Variants in CREB5 observed in about 807,000 individuals in gnomAD.
The protein encoded by CREB5 is cAMP responsive element binding protein 5.
In CREB5, 19 loss-of-function variants were observed where a neutral mutation model predicts 57.1. The observed-to-expected ratio is 0.33, with a 90% CI of 0.23 to 0.49. The LOEUF is 0.49. CREB5 is among the 20% of genes least tolerant of loss of function. The pLI, the probability that CREB5 is intolerant of heterozygous loss-of-function variation, is 0.99. For synonymous variants in CREB5, 238 were observed against 238.3 expected (o/e 1.00, Z 0.01); for missense variants, 579 against 671.6 (o/e 0.86, Z 1.52).
chr7:28,756,839 TGA>T (rs147283937), intron 7 of CREB5, among the ~76,000 whole-genome samples: 2 of 151,234 alleles, frequency 1.3e-5, no homozygotes, highest in Non-Finnish European at 1.5e-5. Context: ...CAGCAGGTTT[TGA>T]GAGAGAGAGA....
intron 5 of CREB5, among the ~76,000 whole-genome samples, chr7:28,613,082 T>A (rs1262826169): frequency 6.6e-6 from 1 of 152,212 alleles, no homozygotes; most frequent in Non-Finnish European, 1.5e-5. Context: ...TAAACGTGTG[T>A]GTGCCTGCTT....
chr7:28,445,665 C>T (rs1041314567), intron 1 of CREB5, among the ~76,000 whole-genome samples: 4 of 152,104 alleles, frequency 2.6e-5, no homozygotes, highest in Non-Finnish European at 5.9e-5. Context: ...CATTCTCCTG[C>T]CTCAGCCTCC....
At chr7:28,570,315 A>T in intron 4 of CREB5, 50 bp from the exon 5 acceptor site, 1 of 1,561,736 alleles carries the variant, frequency 6.4e-7, no homozygotes, top group South Asian at 1.2e-5. Context: ...TGAGAGTAGA[A>T]TAAAAACATT....
rs765350331 is a variant in CREB5 at position 28,495,028 on chromosome 7, G to A, written c.169+29G>A. 28 of 1,522,358 alleles carry A rather than the reference G, an allele frequency of 1.8e-5. No homozygotes were observed. In the African/African-American group the frequency reaches 3.5e-4, roughly 19 times the overall value. The allele number at this position is 1,522,358 out of a possible 1,614,324, so 94.3% of individuals were successfully genotyped here. On this transcript the variant is annotated intron_variant, in intron 3 of 10. Transcript: ENST00000357727. ...AGGAGCCATCAGGAAAAGAAGCTTTGGGTGATCAGATCTGTTCCATGCGAG... is the reference window on the plus strand; with the variant it reads ...AGGAGCCATCAGGAAAAGAAGCTTTAGGTGATCAGATCTGTTCCATGCGAG...
intron 7 of CREB5, among the ~76,000 whole-genome samples, chr7:28,725,530 G>A (rs886408540): frequency 1.3e-5 from 2 of 152,058 alleles, no homozygotes; most frequent in Non-Finnish European, 2.9e-5. Flanking sequence ...TTTTTGGAAT[G>A]GGCAAATATT....
intron 7 of CREB5, among the ~76,000 whole-genome samples, chr7:28,772,730 A>C (rs1201353833): frequency 6.6e-6 from 1 of 152,168 alleles, no homozygotes; most frequent in Non-Finnish European, 1.5e-5. Flanking sequence ...TGATAAACTA[A>C]CTGCTATCTG....
intron 5 of CREB5, among the ~76,000 whole-genome samples, chr7:28,649,997 C>T (rs1799062252): frequency 2.6e-5 from 4 of 152,164 alleles, no homozygotes; most frequent in Non-Finnish European, 5.9e-5. Flanking sequence ...GACTCATGGC[C>T]ATGTCACAAG....
intron 3 of CREB5, among the ~76,000 whole-genome samples, chr7:28,506,789 G>A (rs559609578): frequency 6.6e-6 from 1 of 152,242 alleles, no homozygotes; most frequent in East Asian, 1.9e-4. Flanking sequence ...TCTATTTAAT[G>A]GAATCTTGTG....
At chr7:28,498,579 C>T (rs970098479) in intron 3 of CREB5, among the ~76,000 whole-genome samples, 3 of 152,170 alleles carry the variant, frequency 2.0e-5, no homozygotes, top group South Asian at 2.1e-4. Context: ...GGTAGAGTCA[C>T]TCCCAAAAAG....
chr7:28,814,180 ACTTACGTTCC>A (rs1809287908), intron 9 of CREB5, among the ~76,000 whole-genome samples: 1 of 152,196 alleles, frequency 6.6e-6, no homozygotes, highest in South Asian at 2.1e-4. Context: ...AGGTGATTCC[ACTTACGTTCC>A]CTTGAAAAGC....
chr7:28,525,955 A>G (rs1031508935), intron 4 of CREB5, among the ~76,000 whole-genome samples: 1 of 152,172 alleles, frequency 6.6e-6, no homozygotes, highest in Non-Finnish European at 1.5e-5. Context: ...GTTCTCGATA[A>G]TTCTAATTCT....
intron 2 of CREB5, among the ~76,000 whole-genome samples, chr7:28,488,858 T>G (rs1475549005): frequency 6.6e-6 from 1 of 152,178 alleles, no homozygotes; most frequent in East Asian, 1.9e-4. Flanking sequence ...GGTAGAGTGT[T>G]TAACATAGGG....
At chr7:28,794,773 A>G (rs946049754) in intron 7 of CREB5, among the ~76,000 whole-genome samples, 2 of 151,568 alleles carry the variant, frequency 1.3e-5, no homozygotes, top group African/African-American at 4.9e-5. Flanking sequence ...CACCACCACC[A>G]CTGTCTCTGC....
chr7:28,435,798 T>A, intron 1 of CREB5: 1 of 372,780 alleles, frequency 2.7e-6, no homozygotes, highest in Non-Finnish European at 3.7e-6. Flanking sequence ...ATTTCTGCCA[T>A]TGCTCACTTG....
chr7:28,746,982 A>G (rs773644891), intron 7 of CREB5, among the ~76,000 whole-genome samples: 6 of 152,200 alleles, frequency 3.9e-5, no homozygotes, highest in Admixed American at 6.5e-5. Flanking sequence ...AAAACAAGGC[A>G]GATTCTTTTC....
intron 5 of CREB5, among the ~76,000 whole-genome samples, chr7:28,687,290 G>T (rs1016435351): frequency 6.6e-6 from 1 of 151,940 alleles, no homozygotes; most frequent in Non-Finnish European, 1.5e-5. Flanking sequence ...ATATGCTTCA[G>T]TAGTGAGGGG....
chr7:28,609,123 A>G (rs1296328063), intron 5 of CREB5: 1 of 152,222 alleles, frequency 6.6e-6, no homozygotes, highest in African/African-American at 2.4e-5. Flanking sequence ...GACCTGAGGT[A>G]GGTATGTAGT....
At chr7:28,469,909 G>A (rs1373821774) in intron 1 of CREB5, among the ~76,000 whole-genome samples, 2 of 152,072 alleles carry the variant, frequency 1.3e-5, no homozygotes, top group South Asian at 2.1e-4. Flanking sequence ...ATGTGATCAT[G>A]TTTATTTATT....
intron 1 of CREB5, among the ~76,000 whole-genome samples, chr7:28,486,285 A>G (rs1791539851): frequency 6.6e-6 from 1 of 152,124 alleles, no homozygotes; most frequent in Admixed American, 6.6e-5. Flanking sequence ...CCCGAAGAAT[A>G]TTGTCAAAAA....
Sources: allele counts gnomAD v4.1 joint callset (sites outside exome capture counted in the v4.1 genomes callset), GRCh38; gene constraint gnomAD v4.1.1; transcripts MANE v1.5; gene names NCBI Gene and HGNC (gene_info 2026-07-23, HGNC 2026-07-21).